SLC24A2: variants seen among roughly 807,000 people sequenced by gnomAD.
SLC24A2 encodes the protein sodium/potassium/calcium exchanger 2.
Under a neutral mutation model 62.0 loss-of-function variants are expected in SLC24A2, and 36 were observed. That is an observed-to-expected ratio of 0.58 (90% CI 0.44 to 0.77). The LOEUF (loss-of-function observed/expected upper bound fraction) is 0.77, where lower values mean the gene tolerates loss of function less well. Ranked by LOEUF, SLC24A2 falls within the 30% of genes least tolerant of loss-of-function variation. The pLI is 0.00. For missense variants in SLC24A2, 846 were observed against 817.9 expected (o/e 1.03, Z -0.42); for synonymous variants, 358 against 294.0 (o/e 1.22, Z -2.23).
the SLC24A2 span, among the ~76,000 whole-genome samples, chr9:20,229,642 GC>G: frequency 6.6e-6 from 1 of 151,678 alleles, no homozygotes; most frequent in African/African-American, 2.4e-5. Flanking sequence ...CTTATCACAG[GC>G]TCTCATTATA....
chr9:20,129,969 G>A, the SLC24A2 span, among the ~76,000 whole-genome samples: 1 of 61,140 alleles, frequency 1.6e-5, no homozygotes, highest in Admixed American at 1.3e-4. Context: ...ACACACAGAG[G>A]TTAAGATTTC....
At chr9:19,672,192 T>C (rs963279064) in intron 2 of SLC24A2, among the ~76,000 whole-genome samples, 3 of 146,512 alleles carry the variant, frequency 2.0e-5, no homozygotes, top group Non-Finnish European at 3.0e-5. Context: ...TTATTGGCAA[T>C]TTCAAAATTA....
the SLC24A2 span, among the ~76,000 whole-genome samples, chr9:20,082,370 G>C: frequency 6.6e-6 from 1 of 152,186 alleles, no homozygotes; most frequent in African/African-American, 2.4e-5. Context: ...ATCACATGGA[G>C]AAAGTGTTTT....
the SLC24A2 span, among the ~76,000 whole-genome samples, chr9:20,200,365 G>T: frequency 6.6e-6 from 1 of 152,118 alleles, no homozygotes; most frequent in African/African-American, 2.4e-5. Flanking sequence ...TGAGCTGTAG[G>T]CATGGACCAA....
At chr9:20,164,458 G>T in the SLC24A2 span, among the ~76,000 whole-genome samples, 2 of 151,988 alleles carry the variant, frequency 1.3e-5, no homozygotes, top group African/African-American at 2.4e-5. Context: ...CAGTTAGAAT[G>T]GCGATCATTA....
the SLC24A2 span, among the ~76,000 whole-genome samples, chr9:20,061,768 T>G: frequency 6.6e-6 from 1 of 152,048 alleles, no homozygotes; most frequent in Non-Finnish European, 1.5e-5. Context: ...TGTACGGCCT[T>G]TGGTTAGTCA....
At chr9:19,954,527 T>C in the SLC24A2 span, among the ~76,000 whole-genome samples, 9 of 152,220 alleles carry the variant, frequency 5.9e-5, no homozygotes, top group Admixed American at 2.6e-4. Context: ...TTGGAAATCA[T>C]TGATTTTGCA....
the SLC24A2 span, among the ~76,000 whole-genome samples, chr9:20,197,237 T>G: frequency 6.6e-6 from 1 of 152,162 alleles, no homozygotes; most frequent in Non-Finnish European, 1.5e-5. Context: ...TTCCTTTATA[T>G]AGAGAGGATT....
chr9:19,719,887 T>C (rs931724674), intron 2 of SLC24A2, among the ~76,000 whole-genome samples: 6 of 152,182 alleles, frequency 3.9e-5, no homozygotes, highest in South Asian at 2.1e-4. Flanking sequence ...ACACAAAATA[T>C]ATACATACAT....
intron 2 of SLC24A2, among the ~76,000 whole-genome samples, chr9:19,782,933 C>G (rs994755444): frequency 9.2e-5 from 14 of 152,160 alleles, no homozygotes; most frequent in African/African-American, 2.9e-4. Flanking sequence ...GCCCCAGGGT[C>G]TCTTCACTGT....
the SLC24A2 span, among the ~76,000 whole-genome samples, chr9:20,208,122 T>C: frequency 6.6e-6 from 1 of 152,172 alleles, no homozygotes; most frequent in Non-Finnish European, 1.5e-5. Context: ...TACATCATTA[T>C]CAGGGAAGGA....
intron 7 of SLC24A2, among the ~76,000 whole-genome samples, chr9:19,567,222 T>C (rs1248530016): frequency 6.6e-6 from 1 of 150,972 alleles, no homozygotes; most frequent in Non-Finnish European, 1.5e-5. Context: ...ACCAAACACT[T>C]TGCCATCATA....
chr9:19,599,018 C>A lies in SLC24A2; in HGVS notation c.1079-1739G>T, dbSNP rs775778381. Among the ~76,000 whole-genome samples the A allele has an allele frequency of 6.6e-5, 10 of 152,178 alleles. No individual in the cohort carries two copies. The highest frequency in any genetic ancestry group is 1.2e-4 in the Non-Finnish European group (8 of 68,034). On this transcript the variant is annotated intron_variant, in intron 4 of 10. Transcript: ENST00000341998. This position sits in a 1 kb window ranked among gnomAD's most constrained non-coding sequence, Gnocchi z 4.5. ...TGCAAAGTTGGATGTAAACTATATTCTACACAGTGACAATACACCATTGCA... is the reference window on the plus strand; with the variant it reads ...TGCAAAGTTGGATGTAAACTATATTATACACAGTGACAATACACCATTGCA...
the SLC24A2 span, among the ~76,000 whole-genome samples, chr9:19,886,104 G>A: frequency 2.6e-5 from 4 of 152,046 alleles, no homozygotes; most frequent in African/African-American, 9.7e-5. Flanking sequence ...ATTCCTTTTG[G>A]TATAGACCTA....
At chr9:19,572,822 G>T (rs1265865695) in intron 7 of SLC24A2, among the ~76,000 whole-genome samples, 1 of 152,262 alleles carries the variant, frequency 6.6e-6, no homozygotes, top group South Asian at 2.1e-4. Context: ...TAATGGGTTG[G>T]GCCAGAGAGT....
intron 7 of SLC24A2, among the ~76,000 whole-genome samples, chr9:19,562,725 TTTATAATTTGTCTTAGG>T (rs1162516432): frequency 6.6e-6 from 1 of 152,160 alleles, no homozygotes; most frequent in Non-Finnish European, 1.5e-5. Flanking sequence ...TTTTGCTTGT[TTTATAATTTGTCTTAGG>T]TTTTCTCTGA....
At chr9:19,634,055 A>G (rs1038223063) in intron 2 of SLC24A2, among the ~76,000 whole-genome samples, 2 of 151,890 alleles carry the variant, frequency 1.3e-5, no homozygotes, top group African/African-American at 4.8e-5. Context: ...TTTTTCCTAG[A>G]TGTTTTATAA....
the SLC24A2 span, among the ~76,000 whole-genome samples, chr9:20,153,426 C>T: frequency 6.6e-6 from 1 of 151,844 alleles, no homozygotes; most frequent in Admixed American, 6.6e-5. Flanking sequence ...GAAGTCAAGT[C>T]AGACATGAAC....
intron 7 of SLC24A2, among the ~76,000 whole-genome samples, chr9:19,572,404 G>T (rs1007140892): frequency 6.6e-6 from 1 of 152,126 alleles, no homozygotes. Context: ...TATGTTGCGG[G>T]GAGGAGCCTG....
Sources: gnomAD v4.1 joint callset for allele counts (sites outside exome capture counted in the v4.1 genomes callset) on GRCh38, gnomAD v4.1.1 for gene constraint, Gnocchi (gnomAD v3.1) non-coding constraint, MANE v1.5 for transcripts, NCBI Gene and HGNC (gene_info 2026-07-23, HGNC 2026-07-21) for gene names.